Variants in TENM2 observed in about 807,000 individuals in gnomAD.
TENM2 encodes the protein teneurin-2.
In TENM2, 52 loss-of-function variants were observed where a neutral mutation model predicts 245.2. The observed-to-expected ratio is 0.21, with a 90% confidence interval of 0.17 to 0.27. The LOEUF (loss-of-function observed/expected upper bound fraction) is 0.27. Among genes scored for constraint, TENM2 ranks in the 10% least tolerant of loss-of-function variants. The pLI is 1.00. For synonymous variants in TENM2, 1,363 were observed against 1,438.9 expected, an observed-to-expected ratio of 0.95 and a Z score of 1.19; for missense variants, 3,046 against 3,666.8, an observed-to-expected ratio of 0.83 and a Z score of 4.37.
chr5:168,232,596 C>T (rs1421711347), intron 25 of TENM2, among the ~76,000 whole-genome samples: 1 of 152,214 alleles, frequency 6.6e-6, no homozygotes. Context: ...CCGGGACTGG[C>T]AAGCTCCTGG....
In TENM2 at chr5:167,658,073, A is replaced by G. The variant is rs558660406; in HGVS notation, c.503-217913A>G. On this transcript the variant is annotated intron_variant, in intron 2 of 28. Coordinates refer to ENST00000518659, the Ensembl canonical transcript of TENM2. ...CAGAATTCCTGAGACTGAGTAATTT[A>G]TAAAGAACAGAAATTTATTTCACTT... 3.3e-5 allele frequency among the ~76,000 whole-genome samples: 5 copies of G among 152,326 alleles called. No homozygotes were observed. The South Asian group carries it at 1.0e-3, about 32-fold the overall frequency.
chr5:167,449,524 A>C, intron 2 of TENM2, among the ~76,000 whole-genome samples: 1 of 125,160 alleles, frequency 8.0e-6, no homozygotes, highest in Non-Finnish European at 1.7e-5. Flanking sequence ...AGATAGATAG[A>C]TAGATAGATA....
At chr5:167,949,867 G>A (rs2151825887) in intron 3 of TENM2, among the ~76,000 whole-genome samples, 1 of 152,246 alleles carries the variant, frequency 6.6e-6, no homozygotes, top group East Asian at 1.9e-4. Flanking sequence ...TGGGAAATAT[G>A]ACTGCAGGAT....
intron 2 of TENM2, among the ~76,000 whole-genome samples, chr5:167,494,873 A>T (rs1048267691): frequency 6.6e-6 from 1 of 152,098 alleles, no homozygotes; most frequent in African/African-American, 2.4e-5. Flanking sequence ...TATTCAACCA[A>T]CTGCAATAAT....
chr5:167,362,919 T>C (rs1446247628), intron 1 of TENM2, among the ~76,000 whole-genome samples: 2 of 152,168 alleles, frequency 1.3e-5, no homozygotes, highest in African/African-American at 4.8e-5. Context: ...GATCGACTTA[T>C]TGGTGTGTGT....
chr5:167,101,833 ATT>A, the TENM2 span, among the ~76,000 whole-genome samples: 3 of 110,378 alleles, frequency 2.7e-5, no homozygotes, highest in African/African-American at 1.2e-4. Context: ...GGCTCTTGAC[ATT>A]TATATATATA....
chr5:167,545,813 AG>A (rs1772527148), intron 2 of TENM2, among the ~76,000 whole-genome samples: 1 of 152,220 alleles, frequency 6.6e-6, no homozygotes. Context: ...CTGTTGGACA[AG>A]GTTCCTTTTC....
Position 167,375,493 on chromosome 5 carries a change from A to G in TENM2, c.502+20A>G. 2 of 1,550,506 alleles carry G rather than the reference A, an allele frequency of 1.3e-6. No individual in the cohort carries two copies. The highest frequency in any genetic ancestry group is 1.7e-6 in the Non-Finnish European group (2 of 1,146,362). ...AGAACGGTAGGCCTGCTTCTTAAAT[A>G]CCTTTTAACGTTCTGTGCACTGCAC... On this transcript the variant is annotated intron_variant, in intron 2 of 28. Coordinates refer to ENST00000518659, the Ensembl canonical transcript of TENM2.
intron 13 of TENM2, among the ~76,000 whole-genome samples, chr5:168,175,567 G>A (rs1311432037): frequency 2.0e-5 from 3 of 149,094 alleles, no homozygotes; most frequent in Non-Finnish European, 1.5e-5. Context: ...AGAAGCTGAG[G>A]GCCTAGAGGT....
chr5:168,147,967 A>G (rs2152417951), intron 12 of TENM2, among the ~76,000 whole-genome samples: 1 of 152,370 alleles, frequency 6.6e-6, no homozygotes, highest in South Asian at 2.1e-4. Flanking sequence ...TGGAAGGAAT[A>G]GCAGAGGAAG....
rs375459859 is a variant in TENM2 at position 167,355,221 on chromosome 5, A to G, written c.227-19977A>G. On this transcript the variant is annotated intron_variant, in intron 1 of 28. Coordinates refer to ENST00000518659, the Ensembl canonical transcript of TENM2. ...GTGCCCGTGGGTCTGTGTGTGCAGT[A>G]TAATGGCAACTATTCTTGGGGAGAC... 1.6e-4 allele frequency among the ~76,000 whole-genome samples: 25 copies of G among 152,342 alleles called. 1 individual carries two copies. The highest frequency in any genetic ancestry group is 6.0e-4 in the African/African-American group (25 of 41,576).
chr5:168,056,324 T>C (rs1789539272), intron 6 of TENM2, among the ~76,000 whole-genome samples: 1 of 152,260 alleles, frequency 6.6e-6, no homozygotes, highest in African/African-American at 2.4e-5. Context: ...TTTTTCTCTT[T>C]TTCATTGTTT....
rs577964369 is a variant in TENM2, at chr5:167,713,065, T to C, written c.503-162921T>C. Among the ~76,000 whole-genome samples the C allele has an allele frequency of 1.2e-4, 18 of 152,236 alleles. No homozygotes were observed. In the South Asian group the frequency reaches 3.3e-3, roughly 28 times the overall value. ...ACATCCATTCATATATGTGTATACATATGTGCGTGTGTATAGTGTGTATAC... is the reference window on the plus strand; with the variant it reads ...ACATCCATTCATATATGTGTATACACATGTGCGTGTGTATAGTGTGTATAC... On this transcript the variant is annotated intron_variant, in intron 2 of 28. Coordinates refer to ENST00000518659, the Ensembl canonical transcript of TENM2.
the TENM2 span, among the ~76,000 whole-genome samples, chr5:167,112,349 A>G: frequency 6.6e-6 from 1 of 152,236 alleles, no homozygotes; most frequent in Non-Finnish European, 1.5e-5. Flanking sequence ...GCAAATTTTC[A>G]GCTGTTTCCT....
chr5:167,970,001 G>T (rs553679042), intron 4 of TENM2, among the ~76,000 whole-genome samples: 67 of 152,294 alleles, frequency 4.4e-4, no homozygotes, highest in African/African-American at 1.6e-3. Context: ...GCAGGCAAAA[G>T]CCACAGACCA....
chr5:168,243,210 G>GTA (rs1766264662), intron 25 of TENM2, among the ~76,000 whole-genome samples: 1 of 152,158 alleles, frequency 6.6e-6, no homozygotes, highest in African/African-American at 2.4e-5. Context: ...CCCACTCAGG[G>GTA]CTAGCTGAAT....
chr5:167,845,295 C>A (rs1293258200), intron 2 of TENM2, among the ~76,000 whole-genome samples: 1 of 140,030 alleles, frequency 7.1e-6, no homozygotes, highest in Non-Finnish European at 1.5e-5. Context: ...CGGCCCCACT[C>A]TCTCTCTCTG....
At chr5:167,076,684 A>G in the TENM2 span, among the ~76,000 whole-genome samples, 2 of 152,190 alleles carry the variant, frequency 1.3e-5, no homozygotes, top group African/African-American at 4.8e-5. Flanking sequence ...TTTTTCTCTA[A>G]TATAAAATCC....
chr5:167,585,036 C>G (rs1775386798), intron 2 of TENM2, among the ~76,000 whole-genome samples: 1 of 152,082 alleles, frequency 6.6e-6, no homozygotes, highest in Admixed American at 6.5e-5. Flanking sequence ...TATATAAATA[C>G]TCACAATGTA....
Sources: gnomAD v4.1 joint callset for allele counts (sites outside exome capture counted in the v4.1 genomes callset) on GRCh38, gnomAD v4.1.1 for gene constraint, MANE v1.5 for transcripts, NCBI Gene and HGNC (gene_info 2026-07-23, HGNC 2026-07-21) for gene names.